The following WDPCP variants were observed in gnomAD, a reference collection of about 807,000 sequenced individuals.
WDPCP encodes the protein WD repeat-containing and planar cell polarity effector protein fritz homolog.
Under a neutral mutation model 93.1 loss-of-function variants are expected in WDPCP, and 71 were observed. The observed-to-expected ratio is 0.76, with a 90% CI of 0.63 to 0.93. The LOEUF is 0.93. Ranked by LOEUF, WDPCP falls within the 40% of genes least tolerant of loss-of-function variation. The pLI is 0.00. For synonymous variants in WDPCP, 315 were observed against 315.0 expected (o/e 1.00, Z 0.00); for missense variants, 844 against 887.4 (o/e 0.95, Z 0.62).
In WDPCP at chr2:63,656,562, G is replaced by A. The variant is rs566883187; in HGVS notation, n.309-5724C>T. On this transcript the variant is annotated intron_variant and non_coding_transcript_variant, in intron 2 of 4. Transcript: ENST00000467687. ...TTCAAGAGCTAAGAGCAGCTAGTCA[G>A]AAATTACTCAGGAGCCATGTATAGA... is the stretch of plus-strand genomic sequence containing the variant. Among the ~76,000 whole-genome samples the A allele has an allele frequency of 5.1e-4, 78 of 152,354 alleles. No homozygotes were observed. In the Middle Eastern group the frequency reaches 0.01, roughly 20 times the overall value.
chr2:63,466,446 T>C (rs1241092572), intron 6 of WDPCP, among the ~76,000 whole-genome samples: 12 of 152,172 alleles, frequency 7.9e-5, no homozygotes, highest in Admixed American at 1.3e-4. Flanking sequence ...ATAAATTTGC[T>C]GTGTTTTCAC....
At chr2:63,493,824 A>T (rs985928807) in intron 1 of WDPCP, among the ~76,000 whole-genome samples, 5 of 152,196 alleles carry the variant, frequency 3.3e-5, no homozygotes, top group Middle Eastern at 3.2e-3. Context: ...TATATACAAT[A>T]ATTTAAACTA....
At chr2:63,558,033 AT>A (rs1308376517) in intron 1 of WDPCP, among the ~76,000 whole-genome samples, 1 of 152,200 alleles carries the variant, frequency 6.6e-6, no homozygotes, top group Admixed American at 6.5e-5. Flanking sequence ...AAATGCCCAC[AT>A]CAAAAAGCTA....
intron 1 of WDPCP, among the ~76,000 whole-genome samples, chr2:63,529,282 T>A (rs1451732019): frequency 6.6e-6 from 1 of 152,230 alleles, no homozygotes; most frequent in South Asian, 2.1e-4. Context: ...AGGGCATCCC[T>A]GTCTTGTGCA....
At chr2:63,748,777 C>T (rs1294037909) in intron 2 of WDPCP, among the ~76,000 whole-genome samples, 3 of 151,942 alleles carry the variant, frequency 2.0e-5, no homozygotes, top group Admixed American at 6.6e-5. Flanking sequence ...CTTTTGTTCA[C>T]TCGTATATTT....
intron 2 of WDPCP, among the ~76,000 whole-genome samples, chr2:63,776,026 T>A (rs954230904): frequency 6.6e-6 from 1 of 151,958 alleles, no homozygotes; most frequent in African/African-American, 2.4e-5. Context: ...ATTGCACCAC[T>A]GCACTCCAGC....
At chr2:63,184,542 C>T (rs1674481681) in intron 14 of WDPCP, among the ~76,000 whole-genome samples, 1 of 151,860 alleles carries the variant, frequency 6.6e-6, no homozygotes, top group African/African-American at 2.4e-5. Flanking sequence ...AATAGAATCC[C>T]AATCTTTTAC....
At chr2:63,487,413 A>G in intron 3 of WDPCP, 34 bp downstream of exon 3, 1 of 1,466,288 alleles carries the variant, frequency 6.8e-7, no homozygotes, top group South Asian at 1.2e-5. Context: ...ATATTTAGTT[A>G]ATAAAAATTA....
At chr2:63,259,054 A>G (rs1416573033) in intron 14 of WDPCP, among the ~76,000 whole-genome samples, 1 of 152,190 alleles carries the variant, frequency 6.6e-6, no homozygotes, top group Non-Finnish European at 1.5e-5. Context: ...AATCTTATGA[A>G]AAGAATATCC....
chr2:63,700,370 G>A (rs1173742026), intron 2 of WDPCP, among the ~76,000 whole-genome samples: 6 of 150,996 alleles, frequency 4.0e-5, no homozygotes, highest in Non-Finnish European at 8.8e-5. Context: ...CAGGGAACTA[G>A]AGAAGTGGTA....
At chr2:63,144,117 T>C (rs937529441) in intron 17 of WDPCP, among the ~76,000 whole-genome samples, 28 of 152,272 alleles carry the variant, frequency 1.8e-4, no homozygotes, top group Admixed American at 7.2e-4. Flanking sequence ...CCAGACTTCT[T>C]CATGACTTTC....
intron 14 of WDPCP, among the ~76,000 whole-genome samples, chr2:63,188,119 C>A (rs1172883783): frequency 6.6e-6 from 1 of 152,076 alleles, no homozygotes; most frequent in Non-Finnish European, 1.5e-5. Flanking sequence ...TTTCAAGATT[C>A]TTCCTTTGAC....
At chr2:63,366,839 C>T (rs1359802664) in intron 12 of WDPCP, among the ~76,000 whole-genome samples, 1 of 151,950 alleles carries the variant, frequency 6.6e-6, no homozygotes, top group Non-Finnish European at 1.5e-5. Flanking sequence ...AAAACATACA[C>T]ACATCACACA....
chr2:63,735,582 G>A (rs1461419965), intron 2 of WDPCP, among the ~76,000 whole-genome samples: 1 of 152,166 alleles, frequency 6.6e-6, no homozygotes, highest in Non-Finnish European at 1.5e-5. Context: ...AAGTAATAGG[G>A]AAGAGCTGTA....
intron 14 of WDPCP, among the ~76,000 whole-genome samples, chr2:63,200,093 T>G (rs1023162807): frequency 6.6e-6 from 1 of 152,206 alleles, no homozygotes; most frequent in Non-Finnish European, 1.5e-5. Context: ...TTTGGCTGAT[T>G]TATCCCTTTT....
intron 12 of WDPCP, among the ~76,000 whole-genome samples, chr2:63,353,978 T>C (rs1306909525): frequency 6.6e-6 from 1 of 152,180 alleles, no homozygotes; most frequent in Non-Finnish European, 1.5e-5. Flanking sequence ...GCCAGAGCTA[T>C]TGAGCCAGTA....
chr2:63,357,150 A>C (rs936689403), intron 12 of WDPCP, among the ~76,000 whole-genome samples: 1 of 152,192 alleles, frequency 6.6e-6, no homozygotes, highest in Non-Finnish European at 1.5e-5. Context: ...TAAATGTAAA[A>C]CCTAAAACTA....
chr2:63,168,472 T>A (rs1673156197), intron 15 of WDPCP: 1 of 152,178 alleles, frequency 6.6e-6, no homozygotes, highest in South Asian at 2.1e-4. Context: ...GCAAATTGAA[T>A]CTTTTTCTTT....
intron 1 of WDPCP, among the ~76,000 whole-genome samples, chr2:63,816,278 A>G (rs1670931396): frequency 1.3e-5 from 2 of 152,232 alleles, no homozygotes; most frequent in East Asian, 1.9e-4. Context: ...ACAACAAAAA[A>G]GAAATACTTC....
Sources: gnomAD v4.1 joint callset for allele counts (sites outside exome capture counted in the v4.1 genomes callset) on GRCh38, gnomAD v4.1.1 for gene constraint, MANE v1.5 for transcripts, NCBI Gene and HGNC (gene_info 2026-07-23, HGNC 2026-07-21) for gene names.